The following SLC24A2 variants were observed in gnomAD, a reference collection of about 807,000 sequenced individuals.
SLC24A2 encodes sodium/potassium/calcium exchanger 2.
Under a neutral mutation model 62.0 loss-of-function variants are expected in SLC24A2, and 36 were observed. The ratio of observed to expected loss-of-function variants is 0.58; its 90% CI spans 0.44 to 0.77. SLC24A2 has a LOEUF of 0.77. SLC24A2 is among the 30% of genes least tolerant of loss of function. The probability of loss-of-function intolerance (pLI) is 0.00; values close to 1 mark genes in which losing one functional copy is unlikely to be tolerated. For missense variants in SLC24A2, 846 were observed against 817.9 expected (o/e 1.03, Z -0.42); for synonymous variants, 358 against 294.0 (o/e 1.22, Z -2.23).
In SLC24A2 at chr9:19,786,504, C is replaced by A; in HGVS notation, c.363G>T (p.Pro121=). 6.2e-7 allele frequency: 1 copy of A among 1,614,162 alleles called. No homozygotes were observed. Among genetic ancestry groups the A allele is most frequent in the South Asian group, 1.1e-5 (1 of 91,090 alleles). The change falls in exon 2 of 11, where the codon CCG becomes CCT. Residue 121 remains proline, a synonymous_variant. Coordinates refer to ENST00000341998, the MANE Select transcript of SLC24A2 (RefSeq NM_020344.4). The surrounding 1 kb of genome is among the most constrained non-coding windows in gnomAD (Gnocchi z 5.0). ...NSTDHAQGDY[P]KDIFSLEERR... ...TCTCCTCAAGGGAAAAGATGTCTTT[C>A]GGGTAGTCTCCTTGGGCGTGATCTG...
the SLC24A2 span, among the ~76,000 whole-genome samples, chr9:20,126,139 G>C: frequency 6.6e-6 from 1 of 152,176 alleles, no homozygotes; most frequent in Non-Finnish European, 1.5e-5. Context: ...GATCGGTGGA[G>C]TTTTCTATTC....
At chr9:19,573,771 A>G (rs1835924998) in intron 6 of SLC24A2, among the ~76,000 whole-genome samples, 1 of 152,018 alleles carries the variant, frequency 6.6e-6, no homozygotes, top group Non-Finnish European at 1.5e-5. Context: ...ATGACACTTT[A>G]CCTTGGGTGC....
At chr9:20,125,769 C>T in the SLC24A2 span, among the ~76,000 whole-genome samples, 61 of 152,226 alleles carry the variant, frequency 4.0e-4, no homozygotes, top group African/African-American at 1.5e-3. Flanking sequence ...TGGCAATTCC[C>T]CTCTGGCTAG....
At chr9:20,153,764 T>G in the SLC24A2 span, among the ~76,000 whole-genome samples, 120,169 of 151,854 alleles carry the variant, frequency 0.79, 49,493 homozygotes, top group Non-Finnish European at 0.92. Flanking sequence ...AGAAAAAAAG[T>G]ATTGCAGGGC....
chr9:20,166,637 A>C, the SLC24A2 span, among the ~76,000 whole-genome samples: 2 of 152,030 alleles, frequency 1.3e-5, no homozygotes, highest in Non-Finnish European at 2.9e-5. Flanking sequence ...AGTAAGTTTA[A>C]GCCAGAAAAT....
At chr9:20,259,428 AATTTT>A in the SLC24A2 span, among the ~76,000 whole-genome samples, 1 of 152,288 alleles carries the variant, frequency 6.6e-6, no homozygotes, top group Non-Finnish European at 1.5e-5. Context: ...GGGAGGATTA[AATTTT>A]ATTAACCAAA....
At position 19,582,122 on chromosome 9, in the gene SLC24A2, T is replaced by TA. The variant is rs558817205; in HGVS notation, c.1130-5101dup. On this transcript the variant is annotated intron_variant, in intron 5 of 10. Transcript: ENST00000341998. ...AGAGGAGTGTATGTTGAGGGGGTGG[T>TA]AGGGAAGTGCGGAAGTAAAAGATCC... is the stretch of plus-strand genomic sequence containing the variant. 1.2e-3 allele frequency among the ~76,000 whole-genome samples: 183 copies of TA among 152,192 alleles called. 1 individual carries two copies. The highest frequency in any genetic ancestry group is 3.6e-3 in the Admixed American group (55 of 15,286).
the SLC24A2 span, among the ~76,000 whole-genome samples, chr9:20,184,532 A>T: frequency 6.6e-6 from 1 of 152,206 alleles, no homozygotes; most frequent in Non-Finnish European, 1.5e-5. Context: ...CTGGCAACAG[A>T]GCGAGACTCC....
the SLC24A2 span, among the ~76,000 whole-genome samples, chr9:19,818,074 T>A: frequency 6.6e-6 from 1 of 152,124 alleles, no homozygotes; most frequent in Non-Finnish European, 1.5e-5. Context: ...TATGTACCTT[T>A]ACTGAGGAGT....
intron 2 of SLC24A2, among the ~76,000 whole-genome samples, chr9:19,663,899 G>A (rs1160642863): frequency 6.6e-6 from 1 of 152,236 alleles, no homozygotes; most frequent in Non-Finnish European, 1.5e-5. Context: ...AATTTGCAAA[G>A]AGGAATTGAT....
At chr9:20,041,532 G>A in the SLC24A2 span, among the ~76,000 whole-genome samples, 1 of 152,220 alleles carries the variant, frequency 6.6e-6, no homozygotes, top group Non-Finnish European at 1.5e-5. Flanking sequence ...CAGGGGTTTT[G>A]TTTCCAAAGA....
chr9:20,127,521 G>T, the SLC24A2 span, among the ~76,000 whole-genome samples: 2 of 152,106 alleles, frequency 1.3e-5, no homozygotes, highest in East Asian at 3.9e-4. Context: ...TAAGACCTGG[G>T]TTTAATCCCC....
chr9:19,637,543 C>T (rs1302280745), intron 2 of SLC24A2, among the ~76,000 whole-genome samples: 8 of 152,170 alleles, frequency 5.3e-5, no homozygotes, highest in Non-Finnish European at 7.3e-5. Flanking sequence ...AAAAAGTCTC[C>T]TTTTTACCTG....
chr9:20,012,961 T>C, the SLC24A2 span, among the ~76,000 whole-genome samples: 1 of 152,076 alleles, frequency 6.6e-6, no homozygotes, highest in Non-Finnish European at 1.5e-5. Flanking sequence ...ATTATTATTG[T>C]GAATATGTTC....
the SLC24A2 span, among the ~76,000 whole-genome samples, chr9:19,822,583 T>C: frequency 2.6e-5 from 4 of 152,144 alleles, no homozygotes; most frequent in Non-Finnish European, 5.9e-5. Flanking sequence ...TGCAATTAGA[T>C]TGGTGTTCTG....
chr9:19,623,632 A>G (rs1458161640), intron 2 of SLC24A2, among the ~76,000 whole-genome samples: 1 of 152,224 alleles, frequency 6.6e-6, no homozygotes, highest in Non-Finnish European at 1.5e-5. Flanking sequence ...TCAAATCTAC[A>G]ATTTGTTTTC....
the SLC24A2 span, among the ~76,000 whole-genome samples, chr9:19,952,912 T>G: frequency 6.6e-6 from 1 of 151,966 alleles, no homozygotes; most frequent in Non-Finnish European, 1.5e-5. Flanking sequence ...AGGTTTATAA[T>G]TACAAATTTA....
At chr9:20,047,836 C>G in the SLC24A2 span, among the ~76,000 whole-genome samples, 2 of 151,530 alleles carry the variant, frequency 1.3e-5, no homozygotes, top group Admixed American at 1.3e-4. Flanking sequence ...TGGGGAGACA[C>G]AAACATTCAG....
intron 2 of SLC24A2, among the ~76,000 whole-genome samples, chr9:19,769,250 C>A (rs1232918284): frequency 6.6e-6 from 1 of 152,182 alleles, no homozygotes; most frequent in East Asian, 1.9e-4. Flanking sequence ...CCTCACCAAA[C>A]CCATCAGCAA....
Sources: gnomAD v4.1 joint callset for allele counts (sites outside exome capture counted in the v4.1 genomes callset) on GRCh38, gnomAD v4.1.1 for gene constraint, Gnocchi (gnomAD v3.1) non-coding constraint, MANE v1.5 for transcripts, NCBI Gene and HGNC (gene_info 2026-07-23, HGNC 2026-07-21) for gene names.